TBC1D5: variants seen among roughly 807,000 people sequenced by gnomAD.
TBC1D5 encodes the protein TBC1 domain family, member 5.
In TBC1D5, 75 loss-of-function variants were observed where a neutral mutation model predicts 100.3. The observed-to-expected ratio is 0.75, with a 90% CI of 0.62 to 0.91. The LOEUF (loss-of-function observed/expected upper bound fraction) is 0.91. Among genes scored for constraint, TBC1D5 ranks in the 40% least tolerant of loss-of-function variants. TBC1D5 has a pLI of 0.00. For synonymous variants in TBC1D5, 323 were observed against 325.6 expected (o/e 0.99, Z 0.09); for missense variants, 910 against 942.4 (o/e 0.97, Z 0.45).
chr3:17,322,258 T>A (rs2085509426), intron 13 of TBC1D5, among the ~76,000 whole-genome samples: 1 of 152,252 alleles, frequency 6.6e-6, no homozygotes, highest in African/African-American at 2.4e-5. Context: ...TTTCCTGCTA[T>A]GCCTCTGCAA....
chr3:17,225,177 G>A (rs1436138754), intron 17 of TBC1D5, among the ~76,000 whole-genome samples: 1 of 152,002 alleles, frequency 6.6e-6, no homozygotes, highest in Non-Finnish European at 1.5e-5. Context: ...GGTGGCTCAC[G>A]CCTGTAATCC....
Position 17,185,090 on chromosome 3 carries a change from G to A in TBC1D5, c.1852+19C>T. On this transcript the variant is annotated intron_variant, in intron 19 of 21. Transcript: ENST00000253692. ...TGTGATGAGTCTCATCGTTCCCAGG[G>A]CCAAAGTAATTCACTTACCAAGATG... The A allele has an allele frequency of 6.2e-7, 1 of 1,607,076 alleles. No homozygotes were observed. Among genetic ancestry groups the A allele is most frequent in the Middle Eastern group, 1.7e-4 (1 of 6,040 alleles).
intron 13 of TBC1D5, among the ~76,000 whole-genome samples, chr3:17,367,061 A>G (rs2092182365): frequency 6.6e-6 from 1 of 152,202 alleles, no homozygotes; most frequent in Non-Finnish European, 1.5e-5. Context: ...CTCAAAAGTG[A>G]CATTAATTGC....
intron 2 of TBC1D5, among the ~76,000 whole-genome samples, chr3:17,517,428 C>T (rs372272446): frequency 6.6e-6 from 1 of 152,086 alleles, no homozygotes; most frequent in East Asian, 1.9e-4. Context: ...AGCAAGTAAA[C>T]GTTATTGTTA....
At chr3:17,634,470 G>C (rs1176813648) in intron 1 of TBC1D5, among the ~76,000 whole-genome samples, 2 of 151,968 alleles carry the variant, frequency 1.3e-5, no homozygotes, top group Non-Finnish European at 2.9e-5. Context: ...AAATAAGTCG[G>C]GCAGAGAAAG....
At chr3:17,575,746 A>G (rs1244996107) in intron 2 of TBC1D5, among the ~76,000 whole-genome samples, 5 of 152,118 alleles carry the variant, frequency 3.3e-5, no homozygotes, top group South Asian at 2.1e-4. Context: ...TTGGAGGGTA[A>G]TATGTACCAA....
chr3:17,160,499 A>T (rs2065935551), exon 22 of TBC1D5: 1 of 157,084 alleles, frequency 6.4e-6, no homozygotes, highest in African/African-American at 2.4e-5. Context: ...CCACAGAGGA[A>T]GCTTTCTTGG....
chr3:17,281,104 C>T (rs748298656), intron 15 of TBC1D5, among the ~76,000 whole-genome samples: 2 of 152,196 alleles, frequency 1.3e-5, no homozygotes, highest in Non-Finnish European at 2.9e-5. Flanking sequence ...AGTTCCCACC[C>T]GTGAAGGGGT....
At chr3:17,616,840 C>A (rs925824985) in intron 2 of TBC1D5, among the ~76,000 whole-genome samples, 4 of 152,116 alleles carry the variant, frequency 2.6e-5, no homozygotes, top group Admixed American at 1.3e-4. Flanking sequence ...GACTCTTTAT[C>A]CAATTTGCCA....
At chr3:17,489,272 G>C (rs565552738) in intron 3 of TBC1D5, among the ~76,000 whole-genome samples, 1 of 152,078 alleles carries the variant, frequency 6.6e-6, no homozygotes, top group African/African-American at 2.4e-5. Flanking sequence ...CTACTGCTAA[G>C]TAGATTGTTC....
chr3:17,573,754 G>A (rs1423017748), intron 2 of TBC1D5, among the ~76,000 whole-genome samples: 1 of 151,842 alleles, frequency 6.6e-6, no homozygotes, highest in Non-Finnish European at 1.5e-5. Flanking sequence ...AAGTTTCCTT[G>A]AAACTATCCT....
At chr3:17,179,501 C>T (rs891264895) in intron 19 of TBC1D5, among the ~76,000 whole-genome samples, 4 of 152,144 alleles carry the variant, frequency 2.6e-5, no homozygotes, top group African/African-American at 9.7e-5. Flanking sequence ...AATAAAATAA[C>T]AAGATTTGAA....
intron 13 of TBC1D5, among the ~76,000 whole-genome samples, chr3:17,337,183 G>A (rs2088027713): frequency 7.3e-6 from 1 of 136,636 alleles, no homozygotes; most frequent in Non-Finnish European, 1.5e-5. Context: ...TTCTGATTTA[G>A]TGAGTCTGGG....
intron 1 of TBC1D5, among the ~76,000 whole-genome samples, chr3:17,696,683 G>A (rs1369862523): frequency 6.6e-6 from 1 of 152,148 alleles, no homozygotes; most frequent in Non-Finnish European, 1.5e-5. Flanking sequence ...GTACAAAGAG[G>A]AGCTGGTACC....
chr3:17,721,421 TTCAACA>T, intron 1 of TBC1D5, among the ~76,000 whole-genome samples: 1 of 151,932 alleles, frequency 6.6e-6, no homozygotes, highest in Middle Eastern at 3.4e-3. Flanking sequence ...CAACATGAAC[TTCAACA>T]TCAAGAGACA....
chr3:17,635,165 T>C (rs570570608), intron 1 of TBC1D5, among the ~76,000 whole-genome samples: 2 of 152,252 alleles, frequency 1.3e-5, no homozygotes, highest in Middle Eastern at 3.4e-3. Context: ...TCAACAGAGA[T>C]GGGGAAGACT....
In TBC1D5 at chr3:17,403,323, T is replaced by C. The variant is rs984175180; in HGVS notation, c.442-75A>G. 6.0e-6 allele frequency: 6 copies of C among 1,001,826 alleles called. No individual in the cohort carries two copies. In the African/African-American group the frequency reaches 6.7e-5, roughly 11 times the overall value. The allele number at this position is 1,001,826 out of a possible 1,614,324, so 62.1% of individuals were successfully genotyped here. On this transcript the variant is annotated intron_variant, in intron 7 of 21. Coordinates refer to ENST00000253692, the Ensembl canonical transcript of TBC1D5. ...TTTTAGTGATTTCAATTTAATAATG[T>C]AAATGGTTAAAATTTATTCTTCTCT...
At chr3:17,724,906 G>T (rs1228142605) in intron 1 of TBC1D5, among the ~76,000 whole-genome samples, 2 of 151,818 alleles carry the variant, frequency 1.3e-5, no homozygotes, top group Non-Finnish European at 2.9e-5. Context: ...TTCTTTAGTT[G>T]TATCCAATCT....
At chr3:17,600,757 T>G (rs1015228767) in intron 2 of TBC1D5, among the ~76,000 whole-genome samples, 6 of 152,170 alleles carry the variant, frequency 3.9e-5, no homozygotes, top group Admixed American at 3.9e-4. Flanking sequence ...TCTAAGTCAG[T>G]TGGTTATTAC....
Sources: gnomAD v4.1 joint callset for allele counts (sites outside exome capture counted in the v4.1 genomes callset) on GRCh38, gnomAD v4.1.1 for gene constraint, MANE v1.5 for transcripts, NCBI Gene and HGNC (gene_info 2026-07-23, HGNC 2026-07-21) for gene names.